EFCAB7: variants seen among roughly 807,000 people sequenced by gnomAD.
The protein encoded by EFCAB7 is EF-hand calcium-binding domain-containing protein 7.
A neutral mutation model predicts 77.1 loss-of-function variants in EFCAB7; 66 were observed. That is an observed-to-expected ratio of 0.86 (90% CI 0.70 to 1.05). The LOEUF (loss-of-function observed/expected upper bound fraction) is 1.05. Among genes scored for constraint, EFCAB7 ranks in the 50% least tolerant of loss-of-function variants. The pLI is 0.00. For synonymous variants in EFCAB7, 225 were observed against 243.3 expected, an observed-to-expected ratio of 0.92 and a Z score of 0.70; for missense variants, 638 against 730.5, an observed-to-expected ratio of 0.87 and a Z score of 1.46.
intron 2 of EFCAB7, 139 bp from the exon 3 acceptor site, chr1:63,531,681 A>G: frequency 1.3e-6 from 1 of 751,160 alleles, no homozygotes; most frequent in East Asian, 2.9e-5. Context: ...TCACTAGATA[A>G]GTCAACACCA....
At chr1:63,576,218 C>T (rs373425821), downstream of EFCAB7, among the ~76,000 whole-genome samples, 348 of 152,294 alleles carry the variant, frequency 2.3e-3, no homozygotes, top group African/African-American at 7.6e-3. Context: ...CGGTGGCTCA[C>T]GCCTGTCATC....
intron 12 of EFCAB7, chr1:63,570,598 A>G (rs1037183158): frequency 2.0e-5 from 3 of 152,868 alleles, no homozygotes; most frequent in Admixed American, 6.5e-5. Flanking sequence ...TAATAAATAT[A>G]TTTGTTTATA....
At chr1:63,562,048 A>C (rs1270552163) in intron 11 of EFCAB7, among the ~76,000 whole-genome samples, 191 bp downstream of exon 11, 2 of 152,194 alleles carry the variant, frequency 1.3e-5, no homozygotes, top group Non-Finnish European at 2.9e-5. Context: ...AAATTTAGTT[A>C]CTGCCAACAT....
chr1:63,535,059 G>A (rs1646747425), intron 6 of EFCAB7, among the ~76,000 whole-genome samples: 1 of 151,746 alleles, frequency 6.6e-6, no homozygotes, highest in African/African-American at 2.4e-5. Context: ...TTCCACCAAT[G>A]GAACCTTTTT....
At chr1:63,573,712 G>A (rs1460114491), downstream of EFCAB7, among the ~76,000 whole-genome samples, 1 of 152,168 alleles carries the variant, frequency 6.6e-6, no homozygotes, top group Non-Finnish European at 1.5e-5. Flanking sequence ...CTGGTGTCTG[G>A]AATGAGACTG....
chr1:63,531,711 G>A (rs1345958857), intron 2 of EFCAB7, 109 bp from the exon 3 acceptor site: 3 of 949,970 alleles, frequency 3.2e-6, no homozygotes, highest in Non-Finnish European at 4.9e-6. Flanking sequence ...ACTGGTATAT[G>A]TATAGTGTTT....
intron 7 of EFCAB7, chr1:63,549,135 T>G: frequency 3.4e-6 from 1 of 294,200 alleles, no homozygotes; most frequent in Non-Finnish European, 6.9e-6. Context: ...CGCAGTCGGT[T>G]TTGACCTGTA....
chr1:63,571,670 CAAAAAAAAAA>C (rs10605515), intron 13 of EFCAB7, among the ~76,000 whole-genome samples: 3 of 65,314 alleles, frequency 4.6e-5, no homozygotes, highest in Non-Finnish European at 8.1e-5. Flanking sequence ...GACTCTGTCT[CAAAAAAAAAA>C]AAAAAAAAAA....
At position 63,555,420 on chromosome 1, in the gene EFCAB7, C is replaced by A; in HGVS notation, c.1119C>A (p.Gly373=). Residue 373 remains glycine, a synonymous_variant, in exon 9 of 14, where the codon GGC becomes GGA. Coordinates refer to ENST00000371088, the MANE Select transcript of EFCAB7 (RefSeq NM_032437.4). ...ACTGGTTAATTCCTTCCACAACTGG[C>A]TGTAGGCTGAGGAAAAAAATAAAAC... ...GIYWLIPSTT[G]CRLRKKIKPV... 6.2e-7 allele frequency: 1 copy of A among 1,613,884 alleles called. No individual in the cohort carries two copies. The highest frequency in any genetic ancestry group is 1.1e-5 in the South Asian group (1 of 91,074).
At chr1:63,582,806 T>C in the EFCAB7 span, among the ~76,000 whole-genome samples, 290 of 152,304 alleles carry the variant, frequency 1.9e-3, no homozygotes, top group African/African-American at 6.7e-3. Context: ...GGTTTCACCA[T>C]GTTGGCCAGG....
intron 6 of EFCAB7, among the ~76,000 whole-genome samples, chr1:63,536,068 C>T (rs1395764771): frequency 2.6e-5 from 4 of 151,976 alleles, no homozygotes; most frequent in Non-Finnish European, 5.9e-5. Context: ...GTATGTAAGT[C>T]AAGAGCAGGG....
At chr1:63,547,269 C>T (rs1483768039) in intron 7 of EFCAB7, 5 of 151,956 alleles carry the variant, frequency 3.3e-5, no homozygotes, top group Non-Finnish European at 5.9e-5. Flanking sequence ...AAATAGTTAT[C>T]GAGGGCCTTA....
the EFCAB7 span, among the ~76,000 whole-genome samples, chr1:63,582,071 G>A: frequency 6.6e-6 from 1 of 152,236 alleles, no homozygotes; most frequent in African/African-American, 2.4e-5. Context: ...AGTGTTGTGA[G>A]TATCCACTGA....
intron 3 of EFCAB7, among the ~76,000 whole-genome samples, chr1:63,532,300 T>C (rs763774949): frequency 2.0e-5 from 3 of 152,098 alleles, no homozygotes; most frequent in African/African-American, 4.8e-5. Context: ...AAATCAGTGA[T>C]AGTTCCATAT....
rs143534247 is a variant in EFCAB7 at position 63,524,730 on chromosome 1, G to A, written c.-1-842G>A. 4.0e-3 allele frequency among the ~76,000 whole-genome samples: 606 copies of A among 152,224 alleles called. 4 individuals are homozygous for A. Among genetic ancestry groups the A allele is most frequent in the African/African-American group, 0.013 (553 of 41,536 alleles). ...CACATTAACAAAGAAGAAACTGTTC[G>A]TGAAATTTACGGCTTTTTGCCACTT... On this transcript the variant is annotated intron_variant, in intron 1 of 13. Transcript: ENST00000371088.
At position 63,551,785 on chromosome 1, in the gene EFCAB7, G is replaced by A. The variant is rs963893137; in HGVS notation, c.1007G>A (p.Ser336Asn). ...TTGTATATTCTCAAGGAAAATGAGAGTCAAGCAAATCTACAGCTTGTGTGT... is the reference window on the plus strand; with the variant it reads ...TTGTATATTCTCAAGGAAAATGAGAATCAAGCAAATCTACAGCTTGTGTGT... ...TALYILKENE[S>N]QANLQLVCFT... is the part of the protein sequence containing the mutation. The change falls in exon 8 of 14, where the codon AGT (serine) becomes AAT (asparagine). Residue 336 changes from serine (S) to asparagine (N), a missense_variant. Coordinates refer to ENST00000371088, the MANE Select transcript of EFCAB7 (RefSeq NM_032437.4). The A allele has an allele frequency of 4.4e-6, 7 of 1,594,506 alleles. No homozygotes were observed. Among genetic ancestry groups the A allele is most frequent in the Non-Finnish European group, 6.0e-6 (7 of 1,170,262 alleles).
intron 1 of EFCAB7, among the ~76,000 whole-genome samples, chr1:63,524,481 A>T (rs983230934): frequency 2.0e-5 from 3 of 152,208 alleles, no homozygotes; most frequent in African/African-American, 7.2e-5. Flanking sequence ...TAAATGATCT[A>T]TATAATTCGA....
At chr1:63,576,587 A>T (rs979242139), downstream of EFCAB7, among the ~76,000 whole-genome samples, 2 of 151,806 alleles carry the variant, frequency 1.3e-5, no homozygotes, top group African/African-American at 2.4e-5. Context: ...TGGGAGGCTG[A>T]GGTGGGTGGA....
intron 8 of EFCAB7, among the ~76,000 whole-genome samples, chr1:63,554,611 A>G (rs146807604): frequency 2.6e-4 from 40 of 152,362 alleles, no homozygotes; most frequent in African/African-American, 9.4e-4. Flanking sequence ...AAGTGCTGGG[A>G]TTACAGGCGT....
Sources: allele counts gnomAD v4.1 joint callset (sites outside exome capture counted in the v4.1 genomes callset), GRCh38; gene constraint gnomAD v4.1.1; transcripts MANE v1.5; gene names NCBI Gene and HGNC (gene_info 2026-07-23, HGNC 2026-07-21).